Variants in RAB1B observed in about 807,000 individuals in gnomAD.
RAB1B encodes the protein ras-related protein Rab-1B.
RAB1B carries 10 observed loss-of-function variants against 24.8 expected under a neutral mutation model. That is an observed-to-expected ratio of 0.40 (90% confidence interval 0.25 to 0.68). The LOEUF (loss-of-function observed/expected upper bound fraction) is 0.68, where lower values mean the gene tolerates loss of function less well. Ranked by LOEUF, RAB1B falls within the 30% of genes least tolerant of loss-of-function variation. The pLI, the probability that RAB1B is intolerant of heterozygous loss-of-function variation, is 0.37. For synonymous variants in RAB1B, 99 were observed against 111.7 expected (o/e 0.89, Z 0.72); for missense variants, 154 against 271.2 (o/e 0.57, Z 3.04).
chr11:66,272,654 C>T, intron 4 of RAB1B, 194 bp downstream of exon 4: 1 of 440,260 alleles, frequency 2.3e-6, no homozygotes. Flanking sequence ...AGGGAAACAG[C>T]CACAGAAATG....
At position 66,268,670 on chromosome 11, in the gene RAB1B, C is replaced by T. The variant is rs199656742; in HGVS notation, c.-10C>T. ...GACTGGGAGCGACCGAGCGGGCCGC[C>T]GCCGCCGCCATGAACCCCGAATAGT... On this transcript the variant is annotated 5_prime_UTR_variant, in exon 1 of 6. Coordinates refer to ENST00000311481, the MANE Select transcript of RAB1B (RefSeq NM_030981.3). 1.3e-4 allele frequency: 198 copies of T among 1,564,532 alleles called. No homozygotes were observed. In the African/African-American group the frequency reaches 2.4e-3, roughly 19 times the overall value.
At chr11:66,275,674 C>A in intron 4 of RAB1B, 130 bp from the exon 5 acceptor site, 1 of 993,140 alleles carries the variant, frequency 1.0e-6, no homozygotes, top group Non-Finnish European at 1.4e-6. Context: ...TCCTCTGCAT[C>A]TCTGCATCGC....
chr11:66,268,773 C>G, intron 1 of RAB1B, 80 bp downstream of exon 1: 3 of 1,455,882 alleles, frequency 2.1e-6, no homozygotes, highest in Non-Finnish European at 2.8e-6. Context: ...GTTGTCTGGC[C>G]CGGGTCAGGA....
chr11:66,270,705 G>A, intron 1 of RAB1B: 1 of 152,444 alleles, frequency 6.6e-6, no homozygotes, highest in Non-Finnish European at 1.5e-5. Flanking sequence ...ACACGCCACA[G>A]CACCCAGCCA....
In RAB1B at chr11:66,275,969, C is replaced by T. The variant is rs529924364; in HGVS notation, c.411+34C>T. ...CGGGCCGGTCTGCCCGGGGTCGGGG[C>T]GCTGGGGCCTGCTGCCCCTCACCTG... On this transcript the variant is annotated intron_variant, in intron 5 of 5. Coordinates refer to ENST00000311481, the MANE Select transcript of RAB1B (RefSeq NM_030981.3). 1.4e-5 allele frequency: 22 copies of T among 1,608,574 alleles called. No homozygotes were observed. The Admixed American group carries it at 2.5e-4, about 19-fold the overall frequency.
chr11:66,274,138 G>A (rs538169692), intron 4 of RAB1B, among the ~76,000 whole-genome samples: 16 of 152,094 alleles, frequency 1.1e-4, no homozygotes, highest in African/African-American at 3.6e-4. Context: ...CCATGCCCCA[G>A]CTGCATCCCC....
chr11:66,275,353 TGA>T (rs1257634863), intron 4 of RAB1B, among the ~76,000 whole-genome samples: 4 of 152,242 alleles, frequency 2.6e-5, no homozygotes, highest in Admixed American at 2.6e-4. Flanking sequence ...GGGCCACCTC[TGA>T]GAGGACCCTC....
rs1399515170 is a variant in RAB1B, at chr11:66,277,179, A to G, written c.*941A>G. The stretch of plus-strand genomic sequence containing the variant: ...TCCAGGATTGGGGGCCTCTCTGCTC[A>G]CCCACTCTGCACCCAGGATCCTAGT... On this transcript the variant is annotated 3_prime_UTR_variant, in exon 6 of 6. Coordinates refer to ENST00000311481, the MANE Select transcript of RAB1B (RefSeq NM_030981.3). 1.3e-5 allele frequency: 2 copies of G among 152,644 alleles called. No homozygotes were observed. The highest frequency in any genetic ancestry group is 2.9e-5 in the Non-Finnish European group (2 of 68,092). 9.5% of individuals were successfully genotyped at this position (152,644 alleles called of 1,614,324 possible).
chr11:66,272,536 C>T (rs1222848386), intron 4 of RAB1B, 76 bp downstream of exon 4: 2 of 950,520 alleles, frequency 2.1e-6, no homozygotes, highest in African/African-American at 3.3e-5. Context: ...CTCCTTCCAT[C>T]CTCTCTTTCC....
intron 4 of RAB1B, among the ~76,000 whole-genome samples, chr11:66,274,134 C>T (rs1481991578): frequency 6.6e-6 from 1 of 152,098 alleles, no homozygotes; most frequent in Non-Finnish European, 1.5e-5. Flanking sequence ...ACCACCATGC[C>T]CCAGCTGCAT....
intron 3 of RAB1B, 25 bp downstream of exon 3, chr11:66,272,277 C>G: frequency 6.2e-7 from 1 of 1,606,320 alleles, no homozygotes; most frequent in Non-Finnish European, 8.5e-7. Context: ...TCCCAAAATC[C>G]CCAGTACAGA....
Position 66,275,939 on chromosome 11 carries a change from G to A in RAB1B, c.411+4G>A. On this transcript the variant is annotated splice_donor_region_variant and intron_variant, in intron 5 of 5. Transcript: ENST00000311481. ...GGTGGACAACACCACAGCCAAGGTA[G>A]CAGACGGGCCGGTCTGCCCGGGGTC... is the stretch of plus-strand genomic sequence containing the variant. 1 of 1,611,506 alleles carries A rather than the reference G, an allele frequency of 6.2e-7. No homozygotes were observed. Among genetic ancestry groups the A allele is most frequent in the Non-Finnish European group, 8.5e-7 (1 of 1,179,280 alleles).
intron 1 of RAB1B, 148 bp from the exon 2 acceptor site, chr11:66,271,649 T>C: frequency 1.7e-6 from 1 of 602,946 alleles, no homozygotes. Flanking sequence ...GTAGCCTGGG[T>C]GACAGAGTGA....
chr11:66,276,072 T>C lies in RAB1B; in HGVS notation c.440T>C (p.Phe147Ser), dbSNP rs1857138657. 4.3e-6 allele frequency: 7 copies of C among 1,613,630 alleles called. No homozygotes were observed. Among genetic ancestry groups the C allele is most frequent in the Non-Finnish European group, 5.9e-6 (7 of 1,179,886 alleles). The stretch of plus-strand genomic sequence containing the variant: ...TTTGCAGACTCTCTGGGCATCCCCT[T>C]CTTGGAGACGAGCGCCAAGAATGCC... ...KEFADSLGIP[F>S]LETSAKNATN... The change falls in exon 6 of 6, where the codon TTC becomes TCC. Residue 147 changes from phenylalanine to serine, a missense_variant. Transcript: ENST00000311481.
rs1857139671 is a variant in RAB1B at position 66,276,133 on chromosome 11, T to C, written c.501T>C (p.Ala167=). ...NVEQAFMTMA[A]EIKKRMGPGA... ...AGCAGGCGTTCATGACCATGGCTGC[T>C]GAAATCAAAAAGCGGATGGGGCCTG... The change falls in exon 6 of 6, where the codon GCT becomes GCC. Residue 167 remains alanine, a synonymous_variant. Coordinates refer to ENST00000311481, the MANE Select transcript of RAB1B (RefSeq NM_030981.3). 3 of 1,613,422 alleles carry C rather than the reference T, an allele frequency of 1.9e-6. No individual in the cohort carries two copies. The highest frequency in any genetic ancestry group is 2.5e-6 in the Non-Finnish European group (3 of 1,179,812).
chr11:66,275,082 T>A (rs1440443801), intron 4 of RAB1B, among the ~76,000 whole-genome samples: 3 of 152,064 alleles, frequency 2.0e-5, no homozygotes, highest in Non-Finnish European at 2.9e-5. Context: ...ATTTCCCCCT[T>A]TGTCCCCAGC....
chr11:66,272,071 A>C, intron 2 of RAB1B, 86 bp from the exon 3 acceptor site: 1 of 1,095,196 alleles, frequency 9.1e-7, no homozygotes, highest in Non-Finnish European at 1.4e-6. Flanking sequence ...TCGGAGACCC[A>C]GCTGGGGCAG....
chr11:66,271,923 G>A, intron 2 of RAB1B, 54 bp downstream of exon 2: 2 of 1,421,182 alleles, frequency 1.4e-6, no homozygotes, highest in Non-Finnish European at 2.0e-6. Context: ...GGCAGCTGGG[G>A]GGAGAAGGGA....
chr11:66,271,994 A>G, intron 2 of RAB1B, 125 bp downstream of exon 2: 1 of 953,564 alleles, frequency 1.0e-6, no homozygotes, highest in Non-Finnish European at 1.7e-6. Context: ...AAGACCTGCC[A>G]CCAGCACATC....
Sources: gnomAD v4.1 joint callset for allele counts (sites outside exome capture counted in the v4.1 genomes callset) on GRCh38, gnomAD v4.1.1 for gene constraint, MANE v1.5 for transcripts, NCBI Gene and HGNC (gene_info 2026-07-23, HGNC 2026-07-21) for gene names.